Variants in PPP2R2A observed in about 807,000 individuals in gnomAD.
PPP2R2A encodes the protein protein phosphatase 2 regulatory subunit Balpha.
PPP2R2A carries 9 observed loss-of-function variants against 53.2 expected under a neutral mutation model. The observed-to-expected ratio is 0.17, with a 90% CI of 0.10 to 0.30. The LOEUF (loss-of-function observed/expected upper bound fraction) is 0.30, where lower values mean the gene tolerates loss of function less well. Ranked by LOEUF, PPP2R2A falls within the 10% of genes least tolerant of loss-of-function variation. The pLI is 1.00. For missense variants in PPP2R2A, 235 were observed against 534.6 expected (o/e 0.44, Z 5.53); for synonymous variants, 169 against 174.2 (o/e 0.97, Z 0.23).
chr8:26,339,903 C>T (rs1406989767), intron 3 of PPP2R2A: 2 of 151,942 alleles, frequency 1.3e-5, no homozygotes, highest in African/African-American at 4.8e-5. Flanking sequence ...ACTTCTATAG[C>T]GCCTTTGACC....
intron 2 of PPP2R2A, chr8:26,333,447 AGTTATAACC>A (rs1563304475): frequency 1.0e-6 from 1 of 983,218 alleles, no homozygotes; most frequent in Admixed American, 2.4e-5. Context: ...TAGGTAATAC[AGTTATAACC>A]CTCTTTGCAC....
chr8:26,313,926 A>G (rs1433854828), intron 2 of PPP2R2A, among the ~76,000 whole-genome samples: 2 of 152,184 alleles, frequency 1.3e-5, no homozygotes, highest in Admixed American at 6.5e-5. Flanking sequence ...ATTTGCAGTA[A>G]TTTGTTACAG....
intron 4 of PPP2R2A, among the ~76,000 whole-genome samples, chr8:26,355,125 C>G (rs1006466516): frequency 3.9e-5 from 6 of 152,182 alleles, no homozygotes; most frequent in African/African-American, 1.2e-4. Flanking sequence ...ATACAAAATA[C>G]TCAAAGGATG....
At chr8:26,350,668 G>A (rs1277827550) in intron 3 of PPP2R2A, 1 of 152,028 alleles carries the variant, frequency 6.6e-6, no homozygotes, top group East Asian at 1.9e-4. Context: ...GCCTCCCAAA[G>A]TGTTGGATTA....
chr8:26,354,680 T>C lies in PPP2R2A; in HGVS notation c.346+47T>C. Reference sequence around the variant, plus strand: ...CCATGTGCCCACTGTGTGTACCTGTTGCACATATCCTGTAGCCTAGGAGAG... The same window carrying C: ...CCATGTGCCCACTGTGTGTACCTGTCGCACATATCCTGTAGCCTAGGAGAG... On this transcript the variant is annotated intron_variant, in intron 4 of 9. Coordinates refer to ENST00000380737, the MANE Select transcript of PPP2R2A (RefSeq NM_002717.4). The surrounding 1 kb of genome is among the most constrained non-coding windows in gnomAD (Gnocchi z 4.6). 1 of 1,422,978 alleles carries C rather than the reference T, an allele frequency of 7.0e-7. No individual in the cohort carries two copies. Among genetic ancestry groups the C allele is most frequent in the Non-Finnish European group, 9.4e-7 (1 of 1,068,868 alleles). The allele number at this position is 1,422,978 out of a possible 1,614,324, so 88.1% of individuals were successfully genotyped here.
At chr8:26,349,459 C>A (rs1804384972) in intron 3 of PPP2R2A, among the ~76,000 whole-genome samples, 1 of 152,194 alleles carries the variant, frequency 6.6e-6, no homozygotes, top group South Asian at 2.1e-4. Context: ...GCTGTCCAAA[C>A]ACCTCTCTGA....
chr8:26,319,720 G>T (rs1802738091), intron 2 of PPP2R2A, among the ~76,000 whole-genome samples: 1 of 152,006 alleles, frequency 6.6e-6, no homozygotes, highest in East Asian at 1.9e-4. Flanking sequence ...GAACCCATTA[G>T]GGTGGATTTT....
chr8:26,302,729 A>G (rs7818262), intron 2 of PPP2R2A, among the ~76,000 whole-genome samples: 2,922 of 152,342 alleles, frequency 0.019, 90 homozygotes, highest in African/African-American at 0.067. Flanking sequence ...TACATTGAAT[A>G]CAGAAGCAAT....
chr8:26,349,439 A>G (rs950009501), intron 3 of PPP2R2A, among the ~76,000 whole-genome samples: 11 of 152,182 alleles, frequency 7.2e-5, no homozygotes, highest in African/African-American at 2.7e-4. Flanking sequence ...ATAAAGCTGT[A>G]ATGGGCATGG....
intron 3 of PPP2R2A, among the ~76,000 whole-genome samples, chr8:26,348,613 C>T: frequency 6.6e-6 from 1 of 152,162 alleles, no homozygotes; most frequent in Non-Finnish European, 1.5e-5. Flanking sequence ...ATCTGAAACA[C>T]TTCTGGTCCT....
chr8:26,350,075 T>G (rs1024378439), intron 3 of PPP2R2A, among the ~76,000 whole-genome samples: 4 of 152,198 alleles, frequency 2.6e-5, no homozygotes, highest in South Asian at 2.1e-4. Context: ...TTGTTTGTTT[T>G]TTTTTGAGAC....
At chr8:26,332,412 T>G (rs1803433785) in intron 2 of PPP2R2A, among the ~76,000 whole-genome samples, 1 of 152,074 alleles carries the variant, frequency 6.6e-6, no homozygotes, top group Admixed American at 6.5e-5. Context: ...CAAAATACCT[T>G]TTGAAAAAAA....
At chr8:26,358,587 A>G (rs918738394) in intron 4 of PPP2R2A, among the ~76,000 whole-genome samples, 3 of 152,186 alleles carry the variant, frequency 2.0e-5, no homozygotes, top group Non-Finnish European at 4.4e-5. Flanking sequence ...CTTCTGTACG[A>G]TACAGAGACT....
chr8:26,370,510 C>G lies in PPP2R2A; in HGVS notation c.*97C>G. The G allele has an allele frequency of 7.2e-7, 1 of 1,384,488 alleles. No homozygotes were observed. The highest frequency in any genetic ancestry group is 1.3e-5 in the South Asian group (1 of 75,166). 85.8% of individuals were successfully genotyped at this position (1,384,488 alleles called of 1,614,324 possible). A position where few individuals can be genotyped will look rare whatever the true frequency, so the allele number is the denominator to read the frequency against. On this transcript the variant is annotated 3_prime_UTR_variant, in exon 10 of 10. Coordinates refer to ENST00000380737, the MANE Select transcript of PPP2R2A (RefSeq NM_002717.4). This position sits in a 1 kb window ranked among gnomAD's most constrained non-coding sequence, Gnocchi z 6.1. Reference sequence around the variant, plus strand: ...AAAAGAGAGAGGTCCATTGTGGCGCCCCTTTCCAGTGTTTGACAGTGTGCC... The same window carrying G: ...AAAAGAGAGAGGTCCATTGTGGCGCGCCTTTCCAGTGTTTGACAGTGTGCC...
intron 3 of PPP2R2A, among the ~76,000 whole-genome samples, chr8:26,340,125 T>TG (rs1219832663): frequency 6.6e-6 from 1 of 151,828 alleles, no homozygotes; most frequent in African/African-American, 2.4e-5. Flanking sequence ...TCGTGGGAAG[T>TG]GGGGGGCTAA....
intron 2 of PPP2R2A, among the ~76,000 whole-genome samples, chr8:26,305,643 T>TG (rs1484465289): frequency 6.6e-6 from 1 of 152,154 alleles, no homozygotes; most frequent in Non-Finnish European, 1.5e-5. Flanking sequence ...TTTAGGTACA[T>TG]GGAGGTCCAT....
At chr8:26,300,447 T>C (rs1256986136) in intron 2 of PPP2R2A, among the ~76,000 whole-genome samples, 1 of 152,256 alleles carries the variant, frequency 6.6e-6, no homozygotes, top group Non-Finnish European at 1.5e-5. Context: ...TGGAAATAGC[T>C]AAAAAATTTT....
Position 26,362,804 on chromosome 8 carries a change from T to C in PPP2R2A, c.758T>C (p.Leu253Pro). Residue 253 changes from leucine to proline, a missense_variant, in exon 7 of 10, where the codon CTA becomes CCA. By Grantham distance (98) the Leu-to-Pro change is moderately conservative. Transcript: ENST00000380737. The surrounding 1 kb of genome is among the most constrained non-coding windows in gnomAD (Gnocchi z 4.4). Reference sequence around the variant, plus strand: ...AGCAGCAGTAAAGGAACTATTCGGCTATGTGACATGAGGGCATCTGCCCTC... The same window carrying C: ...AGCAGCAGTAAAGGAACTATTCGGCCATGTGACATGAGGGCATCTGCCCTC... ...VYSSSKGTIRLCDMRASALCD... is the reference protein window; with the variant it reads ...VYSSSKGTIRPCDMRASALCD... 6.2e-7 allele frequency: 1 copy of C among 1,614,096 alleles called. No individual in the cohort carries two copies. Among genetic ancestry groups the C allele is most frequent in the Non-Finnish European group, 8.5e-7 (1 of 1,179,988 alleles).
intron 2 of PPP2R2A, among the ~76,000 whole-genome samples, chr8:26,294,903 G>A (rs1801478558): frequency 6.6e-6 from 1 of 152,106 alleles, no homozygotes; most frequent in South Asian, 2.1e-4. Context: ...CTGTTTCTTA[G>A]ATGAGAAACC....
Sources: gnomAD v4.1 joint callset for allele counts (sites outside exome capture counted in the v4.1 genomes callset) on GRCh38, gnomAD v4.1.1 for gene constraint, Gnocchi (gnomAD v3.1) non-coding constraint, MANE v1.5 for transcripts, NCBI Gene and HGNC (gene_info 2026-07-23, HGNC 2026-07-21) for gene names.